Variants in MBNL1 observed in about 807,000 individuals in gnomAD.
MBNL1 encodes the protein muscleblind like splicing regulator 1.
Under a neutral mutation model 42.2 loss-of-function variants are expected in MBNL1, and 8 were observed. That is an observed-to-expected ratio of 0.19 (90% CI 0.11 to 0.34). The LOEUF is 0.34. Among genes scored for constraint, MBNL1 ranks in the 10% least tolerant of loss-of-function variants. MBNL1 has a pLI of 1.00. For synonymous variants in MBNL1, 169 were observed against 173.9 expected, an observed-to-expected ratio of 0.97 and a Z score of 0.22; for missense variants, 309 against 495.3, an observed-to-expected ratio of 0.62 and a Z score of 3.57.
At chr3:152,294,353 G>A (rs1017796400) in intron 1 of MBNL1, among the ~76,000 whole-genome samples, 41 of 144,744 alleles carry the variant, frequency 2.8e-4, no homozygotes, top group African/African-American at 1.1e-3. Flanking sequence ...GTGTGATCTC[G>A]GCTCACTGCA....
At chr3:152,391,005 C>G (rs987717328) in intron 2 of MBNL1, among the ~76,000 whole-genome samples, 2 of 152,210 alleles carry the variant, frequency 1.3e-5, no homozygotes, top group Non-Finnish European at 2.9e-5. Flanking sequence ...CCTGTGTTCT[C>G]TAGGTGCTAG....
intron 2 of MBNL1, among the ~76,000 whole-genome samples, chr3:152,258,566 G>T (rs1346466884): frequency 6.6e-6 from 1 of 152,210 alleles, no homozygotes; most frequent in Non-Finnish European, 1.5e-5. Flanking sequence ...AACAAAGGCA[G>T]CAGGGCAAGG....
chr3:152,316,500 G>C (rs535977702), intron 2 of MBNL1, among the ~76,000 whole-genome samples: 6 of 152,258 alleles, frequency 3.9e-5, no homozygotes, highest in East Asian at 1.9e-4. Flanking sequence ...CGTCCTGCCT[G>C]CACAAAGCAG....
chr3:152,330,604 A>G (rs930874746), intron 2 of MBNL1, among the ~76,000 whole-genome samples: 1 of 152,210 alleles, frequency 6.6e-6, no homozygotes. Flanking sequence ...ATGGAAATGC[A>G]GTACAGAATG....
At chr3:152,343,283 C>T (rs1307406323) in intron 2 of MBNL1, among the ~76,000 whole-genome samples, 1 of 152,094 alleles carries the variant, frequency 6.6e-6, no homozygotes, top group Non-Finnish European at 1.5e-5. Flanking sequence ...TGAAGCAGAA[C>T]CCAAACCAAC....
intron 2 of MBNL1, among the ~76,000 whole-genome samples, chr3:152,308,795 CA>C (rs2064691496): frequency 6.6e-6 from 1 of 151,708 alleles, no homozygotes; most frequent in Admixed American, 6.6e-5. Flanking sequence ...ATAAAAGTAT[CA>C]AACTCAATTT....
chr3:152,379,234 G>A (rs2097070336), intron 2 of MBNL1, among the ~76,000 whole-genome samples: 1 of 152,110 alleles, frequency 6.6e-6, no homozygotes, highest in African/African-American at 2.4e-5. Flanking sequence ...CTACACTGAA[G>A]CAGGAACTCC....
Position 152,371,511 on chromosome 3 carries a change from C to T in MBNL1, c.175-43430C>T, listed in dbSNP as rs188485230. ...ACTTGGGAGGCTGAGGCAGGAGAAT[C>T]GCTTGAACCCAGGAGGTCAGGTTGC... On this transcript the variant is annotated intron_variant, in intron 2 of 9. Coordinates refer to ENST00000324210, the MANE Select transcript of MBNL1 (RefSeq NM_021038.5). Among the ~76,000 whole-genome samples, 108 of 152,262 alleles carry T rather than the reference C, an allele frequency of 7.1e-4. 1 individual carries two copies. Among genetic ancestry groups the T allele is most frequent in the African/African-American group, 2.2e-3 (93 of 41,564 alleles).
At chr3:152,399,014 C>T (rs1438652629) in intron 2 of MBNL1, among the ~76,000 whole-genome samples, 1 of 152,106 alleles carries the variant, frequency 6.6e-6, no homozygotes, top group Non-Finnish European at 1.5e-5. Context: ...ATTACCAGAA[C>T]TCTTTATCTG....
At chr3:152,361,625 G>A (rs180892081) in intron 2 of MBNL1, among the ~76,000 whole-genome samples, 100 of 152,068 alleles carry the variant, frequency 6.6e-4, no homozygotes, top group African/African-American at 2.4e-3. Flanking sequence ...GAGTTAAGCT[G>A]AAGAGTTTAA....
intron 3 of MBNL1, among the ~76,000 whole-genome samples, chr3:152,415,347 A>T (rs901449675): frequency 5.3e-5 from 8 of 152,092 alleles, no homozygotes. Flanking sequence ...TTTTCCTCTA[A>T]ATTTTTCTTC....
At chr3:152,434,774 G>T (rs1399746296) in intron 4 of MBNL1, among the ~76,000 whole-genome samples, 1 of 152,006 alleles carries the variant, frequency 6.6e-6, no homozygotes, top group Non-Finnish European at 1.5e-5. Context: ...TAGTGGTTTT[G>T]ATTTGCATTT....
chr3:152,270,611 T>A (rs541616276), intron 1 of MBNL1, among the ~76,000 whole-genome samples: 5 of 152,348 alleles, frequency 3.3e-5, no homozygotes, highest in East Asian at 1.9e-4. Flanking sequence ...TGCAGTTCAA[T>A]ACTTAGAATG....
intron 2 of MBNL1, among the ~76,000 whole-genome samples, chr3:152,348,912 G>A (rs2094596598): frequency 6.6e-6 from 1 of 152,052 alleles, no homozygotes; most frequent in African/African-American, 2.4e-5. Flanking sequence ...GTTTTTAAGT[G>A]CTTGAGAAAA....
intron 1 of MBNL1, among the ~76,000 whole-genome samples, chr3:152,294,278 C>CTTTT (rs201018898): frequency 7.4e-5 from 9 of 121,088 alleles, no homozygotes; most frequent in African/African-American, 1.2e-4. Flanking sequence ...AAGTTTGATT[C>CTTTT]TTTTTTTTTT....
At chr3:152,327,994 G>C (rs912245975) in intron 2 of MBNL1, among the ~76,000 whole-genome samples, 8 of 152,022 alleles carry the variant, frequency 5.3e-5, no homozygotes, top group African/African-American at 1.4e-4. Context: ...AAGAAGAATT[G>C]ATGAGAGAAT....
At chr3:152,335,292 G>C in intron 2 of MBNL1, 1 of 1,280,290 alleles carries the variant, frequency 7.8e-7, no homozygotes, top group South Asian at 1.2e-5. Context: ...AGGCCTGCTC[G>C]CTCAAGGCCT....
chr3:152,331,978 C>T (rs2084946318), intron 2 of MBNL1, among the ~76,000 whole-genome samples: 3 of 152,150 alleles, frequency 2.0e-5, no homozygotes, highest in Admixed American at 2.0e-4. Flanking sequence ...AGGTGTGAGC[C>T]ACCGCTCCCG....
intron 2 of MBNL1, among the ~76,000 whole-genome samples, chr3:152,308,017 G>A (rs908460014): frequency 6.6e-6 from 1 of 152,120 alleles, no homozygotes; most frequent in African/African-American, 2.4e-5. Flanking sequence ...TAGATAACTA[G>A]TCACTGTATA....
Sources: allele counts gnomAD v4.1 joint callset (sites outside exome capture counted in the v4.1 genomes callset), GRCh38; gene constraint gnomAD v4.1.1; transcripts MANE v1.5; gene names NCBI Gene and HGNC (gene_info 2026-07-23, HGNC 2026-07-21).